Variants in POU2F3 observed in about 807,000 individuals in gnomAD.
The protein encoded by POU2F3 is POU domain, class 2, transcription factor 3.
In POU2F3, 23 loss-of-function variants were observed where a neutral mutation model predicts 59.2. The ratio of observed to expected loss-of-function variants is 0.39; its 90% CI spans 0.28 to 0.55. POU2F3 has a LOEUF of 0.55. Ranked by LOEUF, POU2F3 falls within the 20% of genes least tolerant of loss-of-function variation. The pLI is 0.66. For synonymous variants in POU2F3, 190 were observed against 214.6 expected, an observed-to-expected ratio of 0.89 and a Z score of 1.00; for missense variants, 473 against 544.5, an observed-to-expected ratio of 0.87 and a Z score of 1.31.
At chr11:120,257,144 A>G (rs1010908156) in intron 2 of POU2F3, among the ~76,000 whole-genome samples, 3 of 152,206 alleles carry the variant, frequency 2.0e-5, no homozygotes, top group Admixed American at 6.5e-5. Context: ...ATTTGAAAAC[A>G]GTGTTCTGCT....
At chr11:120,314,474 C>G (rs929700104) in intron 10 of POU2F3, among the ~76,000 whole-genome samples, 12 of 152,254 alleles carry the variant, frequency 7.9e-5, no homozygotes, top group African/African-American at 2.9e-4. Flanking sequence ...CAAGCTGACA[C>G]TCTTTGCCAG....
intron 2 of POU2F3, among the ~76,000 whole-genome samples, chr11:120,252,905 G>C (rs752567520): frequency 6.6e-6 from 1 of 151,990 alleles, no homozygotes; most frequent in Non-Finnish European, 1.5e-5. Flanking sequence ...GTCACCCCTC[G>C]ACCCCAGTTG....
chr11:120,266,803 A>G (rs929444728), intron 2 of POU2F3, among the ~76,000 whole-genome samples: 7 of 152,168 alleles, frequency 4.6e-5, no homozygotes, highest in African/African-American at 1.7e-4. Flanking sequence ...AGCACAGTGC[A>G]TTTTTGTTTG....
At chr11:120,288,461 G>C (rs1161022338) in intron 3 of POU2F3, among the ~76,000 whole-genome samples, 1 of 152,162 alleles carries the variant, frequency 6.6e-6, no homozygotes, top group Admixed American at 6.5e-5. Context: ...GAAAATCCTA[G>C]GCATTTGAAA....
At chr11:120,304,969 AAATC>A in intron 6 of POU2F3, 57 bp from the exon 7 acceptor site, 33 of 1,178,864 alleles carry the variant, frequency 2.8e-5, no homozygotes, top group Non-Finnish European at 3.7e-5. Flanking sequence ...AAAAAAAAAA[AAATC>A]AGAAAATGTT....
Position 120,307,370 on chromosome 11 carries a change from A to G in POU2F3, c.770-109A>G, listed in dbSNP as rs112293258. 1.1e-3 allele frequency: 1,391 copies of G among 1,290,016 alleles called. 10 individuals are homozygous for G. The African/African-American group carries it at 0.019, about 18-fold the overall frequency. The allele number at this position is 1,290,016 out of a possible 1,614,324, so 79.9% of individuals were successfully genotyped here. A position where few individuals can be genotyped will look rare whatever the true frequency, so the allele number is the denominator to read the frequency against. On this transcript the variant is annotated intron_variant, in intron 8 of 12. Transcript: ENST00000543440. ...GCTGGGGGAGGGGATTGCTCCTGAAAATGCCACTGCAGAGCCCATCGGGAA... is the reference window on the plus strand; with the variant it reads ...GCTGGGGGAGGGGATTGCTCCTGAAGATGCCACTGCAGAGCCCATCGGGAA...
chr11:120,287,460 A>G (rs1264622118), intron 3 of POU2F3, among the ~76,000 whole-genome samples: 1 of 152,230 alleles, frequency 6.6e-6, no homozygotes, highest in Non-Finnish European at 1.5e-5. Flanking sequence ...AGTGACAGAA[A>G]TAAGGAAAGC....
chr11:120,304,994 CT>C, intron 6 of POU2F3, 35 bp from the exon 7 acceptor site: 3 of 972,478 alleles, frequency 3.1e-6, no homozygotes, highest in Non-Finnish European at 4.5e-6. Context: ...ATTTATTGAT[CT>C]TCGTGGTGGA....
At chr11:120,302,171 C>A in intron 5 of POU2F3, 115 bp from the exon 6 acceptor site, 1 of 846,862 alleles carries the variant, frequency 1.2e-6, no homozygotes, top group Non-Finnish European at 1.9e-6. Flanking sequence ...GTGGAGGGAC[C>A]TGATCAGGTG....
At chr11:120,247,293 T>C (rs1938913965) in intron 2 of POU2F3, among the ~76,000 whole-genome samples, 1 of 152,192 alleles carries the variant, frequency 6.6e-6, no homozygotes, top group East Asian at 1.9e-4. Flanking sequence ...ATCTGGATCA[T>C]TAGAGACATA....
intron 4 of POU2F3, 89 bp from the exon 5 acceptor site, chr11:120,299,535 G>T: frequency 8.7e-7 from 1 of 1,151,716 alleles, no homozygotes; most frequent in Non-Finnish European, 1.2e-6. Flanking sequence ...TGAGTCTGGA[G>T]ACCCCTGGGA....
At chr11:120,302,203 C>A in intron 5 of POU2F3, 83 bp from the exon 6 acceptor site, 2 of 1,218,366 alleles carry the variant, frequency 1.6e-6, no homozygotes, top group South Asian at 2.8e-5. Context: ...GGACAGTGAT[C>A]GTGGTGCCAA....
chr11:120,280,817 G>T (rs1422754849), intron 3 of POU2F3, among the ~76,000 whole-genome samples: 3 of 152,190 alleles, frequency 2.0e-5, no homozygotes, highest in African/African-American at 7.2e-5. Context: ...GGTAGAGATA[G>T]TATCTGCAGG....
At chr11:120,237,857 G>C (rs1938538872), upstream of POU2F3, among the ~76,000 whole-genome samples, 1 of 152,162 alleles carries the variant, frequency 6.6e-6, no homozygotes, top group Admixed American at 6.5e-5. Flanking sequence ...GAATAGGAGG[G>C]AAGGAAGGAA....
intron 2 of POU2F3, among the ~76,000 whole-genome samples, chr11:120,257,305 C>T (rs1159759621): frequency 2.0e-5 from 3 of 152,150 alleles, no homozygotes; most frequent in Non-Finnish European, 4.4e-5. Flanking sequence ...GCCCCAGAAA[C>T]AGGTCCTCTG....
chr11:120,310,607 G>A (rs960310631), intron 10 of POU2F3, among the ~76,000 whole-genome samples: 1 of 152,148 alleles, frequency 6.6e-6, no homozygotes, highest in Non-Finnish European at 1.5e-5. Flanking sequence ...GTGGGTGTGG[G>A]AAGGTTCTTC....
In POU2F3 at chr11:120,271,934, G is replaced by A. The variant is rs60078621; in HGVS notation, c.132+2690G>A. ...TTTTGGAGGAAGAGACACTCTGCCC[G>A]GTCACGTTCATTTACACACTCAGGC... is the stretch of plus-strand genomic sequence containing the variant. On this transcript the variant is annotated intron_variant, in intron 3 of 12. Coordinates refer to ENST00000543440, the MANE Select transcript of POU2F3 (RefSeq NM_014352.4). Among the ~76,000 whole-genome samples the A allele has an allele frequency of 6.4e-4, 97 of 152,124 alleles. No homozygotes were observed. In the East Asian group the frequency reaches 0.017, roughly 26 times the overall value.
At chr11:120,240,085 C>T, upstream of POU2F3, 1 of 1,127,422 alleles carries the variant, frequency 8.9e-7, no homozygotes, top group Non-Finnish European at 1.1e-6. Context: ...GCGCGGGGCT[C>T]CTGCCAGGGG....
At chr11:120,268,285 A>G (rs1308802629) in intron 2 of POU2F3, among the ~76,000 whole-genome samples, 5 of 152,166 alleles carry the variant, frequency 3.3e-5, no homozygotes, top group African/African-American at 4.8e-5. Flanking sequence ...TGATTTTTCC[A>G]CTACTTTAGA....
Sources: gnomAD v4.1 joint callset for allele counts (sites outside exome capture counted in the v4.1 genomes callset) on GRCh38, gnomAD v4.1.1 for gene constraint, MANE v1.5 for transcripts, NCBI Gene and HGNC (gene_info 2026-07-23, HGNC 2026-07-21) for gene names.